Variants in PTCHD4 observed in about 807,000 individuals in gnomAD.
PTCHD4 encodes the protein patched domain containing 4, also known as patched domain-containing protein 4.
In PTCHD4, 33 loss-of-function variants were observed where a neutral mutation model predicts 58.1. That is an observed-to-expected ratio of 0.57 (90% CI 0.43 to 0.76). The LOEUF is 0.76. Ranked by LOEUF, PTCHD4 falls within the 30% of genes least tolerant of loss-of-function variation. The probability of loss-of-function intolerance (pLI) is 0.00; values close to 1 mark genes in which losing one functional copy is unlikely to be tolerated. For synonymous variants in PTCHD4, 478 were observed against 409.6 expected (o/e 1.17, Z -2.02); for missense variants, 1,058 against 1,027.1 (o/e 1.03, Z -0.41).
rs139097916 is a variant in PTCHD4, at chr6:47,877,072, T to G, written c.*1231A>C. Among the ~76,000 whole-genome samples, 351 of 152,120 alleles carry G rather than the reference T, an allele frequency of 2.3e-3. 7 individuals are homozygous for G. Among genetic ancestry groups the G allele is most frequent in the Admixed American group, 0.02 (306 of 15,238 alleles). On this transcript the variant is annotated 3_prime_UTR_variant, in exon 5 of 5. Coordinates refer to ENST00000339488, the MANE Select transcript of PTCHD4 (RefSeq NM_001384253.1). The stretch of plus-strand genomic sequence containing the variant: ...ATGGCCTGGGTTATGTTCCAAATAC[T>G]AATGCAAGGAATACACTAGAGTTTA...
intron 4 of PTCHD4, among the ~76,000 whole-genome samples, chr6:47,992,112 A>G (rs1324017282): frequency 6.6e-6 from 1 of 152,180 alleles, no homozygotes; most frequent in Admixed American, 6.5e-5. Context: ...ACAGGTTAGT[A>G]CAAAAACAAT....
chr6:47,959,666 A>G (rs1425994776), intron 4 of PTCHD4, among the ~76,000 whole-genome samples: 1 of 152,086 alleles, frequency 6.6e-6, no homozygotes, highest in Non-Finnish European at 1.5e-5. Context: ...AGCCAAGGCA[A>G]TAGGACATAT....
chr6:48,079,970 ATTTTTTTTTT>A lies in PTCHD4; in HGVS notation c.-969-10054_-969-10045del, dbSNP rs141629864. Among the ~76,000 whole-genome samples, 203 of 76,138 alleles carry A rather than the reference ATTTTTTTTTT, an allele frequency of 2.7e-3. 1 individual carries two copies. Among genetic ancestry groups the A allele is most frequent in the African/African-American group, 8.3e-3 (174 of 21,026 alleles). The allele number at this position is 76,138 out of a possible 152,430, so 49.9% of individuals were successfully genotyped here. ...ATTCAAAACCCTGCCCCTTATGATG[ATTTTTTTTTT>A]TTTTTTTTTTTTTTTTTTTGCCCTT... On this transcript the variant is annotated intron_variant, in intron 1 of 4. Coordinates refer to ENST00000339488, the MANE Select transcript of PTCHD4 (RefSeq NM_001384253.1).
chr6:47,990,005 G>A (rs1166122984), intron 4 of PTCHD4, among the ~76,000 whole-genome samples: 1 of 152,228 alleles, frequency 6.6e-6, no homozygotes, highest in African/African-American at 2.4e-5. Flanking sequence ...GGGTGGAGCT[G>A]CCAAGACCAT....
At chr6:47,899,952 T>C (rs1764645726) in intron 4 of PTCHD4, 1 of 152,246 alleles carries the variant, frequency 6.6e-6, no homozygotes, top group East Asian at 1.9e-4. Context: ...TATTGGAGCA[T>C]GTATCAGTAC....
chr6:48,085,305 A>G (rs1423682336), intron 1 of PTCHD4, among the ~76,000 whole-genome samples: 1 of 152,210 alleles, frequency 6.6e-6, no homozygotes, highest in Admixed American at 6.5e-5. Flanking sequence ...TTTTATCACT[A>G]TCAGTTATAA....
At chr6:47,883,385 A>G (rs1764081827) in intron 4 of PTCHD4, among the ~76,000 whole-genome samples, 1 of 152,186 alleles carries the variant, frequency 6.6e-6, no homozygotes, top group Non-Finnish European at 1.5e-5. Flanking sequence ...AATAAAGAAG[A>G]GAATATGTCA....
chr6:48,031,303 C>T (rs1258765635), intron 3 of PTCHD4, among the ~76,000 whole-genome samples: 1 of 151,970 alleles, frequency 6.6e-6, no homozygotes, highest in Non-Finnish European at 1.5e-5. Flanking sequence ...CCCTATGTTG[C>T]CTGTTAGTAA....
In PTCHD4 at chr6:48,068,228, A is replaced by G; in HGVS notation, c.417+2T>C. ...AGTATAATTATAGCCCTTGTGGTTC[A>G]CCTTCATTTCCAGCACGGCTCGGTG... On this transcript the variant is annotated splice_donor_variant, in intron 3 of 4. Transcript: ENST00000339488. LOFTEE classifies it high-confidence loss of function. This position sits in a 1 kb window ranked among gnomAD's most constrained non-coding sequence, Gnocchi z 4.2. 1.9e-6 allele frequency: 3 copies of G among 1,557,500 alleles called. No homozygotes were observed. The African/African-American group carries it at 4.1e-5, about 21-fold the overall frequency.
chr6:48,109,920 TA>T (rs1765828766), intron 1 of PTCHD4, among the ~76,000 whole-genome samples: 2 of 151,708 alleles, frequency 1.3e-5, no homozygotes, highest in African/African-American at 4.8e-5. Context: ...ATTTTAAAAA[TA>T]AAACTTAAAA....
chr6:47,872,994 T>G lies in PTCHD4; in HGVS notation c.*5309A>C, dbSNP rs1417785121. On this transcript the variant is annotated 3_prime_UTR_variant, in exon 5 of 5. Transcript: ENST00000339488. The stretch of plus-strand genomic sequence containing the variant: ...TGACTCAAAGACTCACAAAATATAG[T>G]CAATGAGAGCCACTCTGGGAATGAA... Among the ~76,000 whole-genome samples, 2 of 151,682 alleles carry G rather than the reference T, an allele frequency of 1.3e-5. No homozygotes were observed. Among genetic ancestry groups the G allele is most frequent in the Admixed American group, 6.6e-5 (1 of 15,180 alleles).
At chr6:48,083,170 A>G (rs891745678) in intron 1 of PTCHD4, among the ~76,000 whole-genome samples, 3 of 150,796 alleles carry the variant, frequency 2.0e-5, no homozygotes, top group Admixed American at 6.6e-5. Flanking sequence ...ACATATTTAT[A>G]CTTTTTCACT....
At chr6:47,905,837 T>C (rs1036865939) in intron 4 of PTCHD4, among the ~76,000 whole-genome samples, 1 of 152,192 alleles carries the variant, frequency 6.6e-6, no homozygotes, top group Non-Finnish European at 1.5e-5. Context: ...CTACCCTTTT[T>C]CTTGTTGCTA....
At chr6:47,918,047 A>C (rs1307868022) in intron 4 of PTCHD4, among the ~76,000 whole-genome samples, 1 of 152,074 alleles carries the variant, frequency 6.6e-6, no homozygotes, top group African/African-American at 2.4e-5. Context: ...ACAGCTTCTA[A>C]GTACGTGTTT....
chr6:48,045,165 G>A (rs1763990207), intron 3 of PTCHD4, among the ~76,000 whole-genome samples: 2 of 151,694 alleles, frequency 1.3e-5, no homozygotes, highest in Admixed American at 1.3e-4. Flanking sequence ...GGCTCCAGTC[G>A]GCCCTGCATC....
intron 3 of PTCHD4, among the ~76,000 whole-genome samples, chr6:48,066,018 C>T (rs1421714380): frequency 6.6e-6 from 1 of 152,008 alleles, no homozygotes; most frequent in Admixed American, 6.5e-5. Flanking sequence ...ATAGGCCTAG[C>T]ATGGTGTTGG....
chr6:47,924,927 G>A (rs866934439), intron 4 of PTCHD4, among the ~76,000 whole-genome samples: 5 of 149,868 alleles, frequency 3.3e-5, no homozygotes, highest in East Asian at 1.9e-4. Context: ...TCTTCATAGC[G>A]CTTACAAGCA....
chr6:48,095,238 T>C (rs945359618), intron 1 of PTCHD4, among the ~76,000 whole-genome samples: 19 of 152,242 alleles, frequency 1.2e-4, no homozygotes, highest in African/African-American at 4.6e-4. Context: ...AGAAATAATA[T>C]GTATAAATGA....
At chr6:48,096,793 A>G (rs1240859100) in intron 1 of PTCHD4, among the ~76,000 whole-genome samples, 13 of 152,112 alleles carry the variant, frequency 8.5e-5, no homozygotes, top group Non-Finnish European at 1.5e-4. Flanking sequence ...ATTCTTTTGC[A>G]TTGAAGTATA....
Sources: allele counts gnomAD v4.1 joint callset (sites outside exome capture counted in the v4.1 genomes callset), GRCh38; gene constraint gnomAD v4.1.1; non-coding constraint Gnocchi (gnomAD v3.1); transcripts MANE v1.5; gene names NCBI Gene and HGNC (gene_info 2026-07-23, HGNC 2026-07-21).